RRP1B: variants seen among roughly 807,000 people sequenced by gnomAD.
RRP1B encodes the protein ribosomal RNA processing 1B.
Under a neutral mutation model 80.2 loss-of-function variants are expected in RRP1B, and 56 were observed. The observed-to-expected ratio is 0.70, with a 90% CI of 0.56 to 0.87. The LOEUF (loss-of-function observed/expected upper bound fraction) is 0.87, where lower values mean the gene tolerates loss of function less well. RRP1B is among the 40% of genes least tolerant of loss of function. The pLI is 0.00. For synonymous variants in RRP1B, 351 were observed against 357.6 expected (o/e 0.98, Z 0.21); for missense variants, 807 against 939.8 (o/e 0.86, Z 1.85).
At chr21:43,673,634 C>CAAAA (rs557525643) in intron 3 of RRP1B, among the ~76,000 whole-genome samples, 1 of 66,076 alleles carries the variant, frequency 1.5e-5, no homozygotes, top group African/African-American at 3.9e-5. Context: ...ACCCCGTCTC[C>CAAAA]AAAAAAAAAA....
At chr21:43,672,231 G>A in intron 2 of RRP1B, 77 bp from the exon 3 acceptor site, 1 of 1,303,914 alleles carries the variant, frequency 7.7e-7, no homozygotes, top group Non-Finnish European at 1.1e-6. Context: ...AGTGGGAGAA[G>A]GAAGCAGGCC....
chr21:43,668,809 C>A (rs902580983), intron 1 of RRP1B, among the ~76,000 whole-genome samples: 1 of 152,162 alleles, frequency 6.6e-6, no homozygotes, highest in African/African-American at 2.4e-5. Context: ...CTAATAAAGA[C>A]CATTTGTAAC....
chr21:43,666,225 G>C (rs2082977524), intron 1 of RRP1B, among the ~76,000 whole-genome samples: 1 of 152,252 alleles, frequency 6.6e-6, no homozygotes, highest in Non-Finnish European at 1.5e-5. Context: ...TCAGTCCTTA[G>C]GAGTTTCTAG....
At chr21:43,692,588 G>A (rs1376927182) in intron 15 of RRP1B, among the ~76,000 whole-genome samples, 1 of 151,042 alleles carries the variant, frequency 6.6e-6, no homozygotes, top group African/African-American at 2.4e-5. Flanking sequence ...GACAGGCTGG[G>A]TGAGACTCCA....
chr21:43,686,707 T>A, intron 11 of RRP1B, 97 bp from the exon 12 acceptor site: 1 of 1,404,270 alleles, frequency 7.1e-7, no homozygotes, highest in Non-Finnish European at 9.8e-7. Flanking sequence ...GGAACGATGA[T>A]GATGAGGCAG....
intron 5 of RRP1B, 37 bp from the exon 6 acceptor site, chr21:43,674,997 T>C (rs2083015848): frequency 1.2e-6 from 2 of 1,611,306 alleles, no homozygotes; most frequent in Non-Finnish European, 1.7e-6. Flanking sequence ...CGTGTTGGCA[T>C]ACTGTCATTC....
intron 2 of RRP1B, 21 bp downstream of exon 2, chr21:43,669,987 C>T (rs745436071): frequency 1.5e-5 from 24 of 1,568,670 alleles, no homozygotes; most frequent in Non-Finnish European, 2.0e-5. Flanking sequence ...TTCCCTTTGT[C>T]ATGCTCCCGG....
In RRP1B at chr21:43,659,855, A is replaced by C; in HGVS notation, c.130+61A>C. On this transcript the variant is annotated intron_variant, in intron 1 of 15. Coordinates refer to ENST00000340648, the MANE Select transcript of RRP1B (RefSeq NM_015056.3). The surrounding 1 kb of genome is among the most constrained non-coding windows in gnomAD (Gnocchi z 4.2). ...CGGGCCGGGGGCCGGGGCTGGGGCT[A>C]GGGCCAGGGCCCCGGCACGGAATGC... 1 of 1,403,234 alleles carries C rather than the reference A, an allele frequency of 7.1e-7. No homozygotes were observed. The highest frequency in any genetic ancestry group is 9.3e-7 in the Non-Finnish European group (1 of 1,072,312). 86.9% of individuals were successfully genotyped at this position (1,403,234 alleles called of 1,614,324 possible).
chr21:43,683,991 G>C (rs1199154260), intron 9 of RRP1B, among the ~76,000 whole-genome samples: 2 of 104,524 alleles, frequency 1.9e-5, no homozygotes, highest in African/African-American at 3.9e-5. Flanking sequence ...AAAAAAAAAA[G>C]CACACCCAGG....
rs143039693 is a variant in RRP1B, at chr21:43,666,666, C to T, written c.131-3218C>T. 7.5e-3 allele frequency among the ~76,000 whole-genome samples: 1,136 copies of T among 150,936 alleles called. 7 individuals carry two copies. The highest frequency in any genetic ancestry group is 9.4e-3 in the Non-Finnish European group (641 of 67,888). On this transcript the variant is annotated intron_variant, in intron 1 of 15. Transcript: ENST00000340648. ...CTGGGCAGCAGAGGTTGCAGTGAGC[C>T]GAGATTGCACCACTGCACTCCAGCC...
At chr21:43,676,603 ATGCT>A in intron 7 of RRP1B, 126 bp from the exon 8 acceptor site, 1 of 854,330 alleles carries the variant, frequency 1.2e-6, no homozygotes, top group Non-Finnish European at 1.8e-6. Flanking sequence ...TTCCTCTCAG[ATGCT>A]TGCTGGCCCG....
At position 43,695,059 on chromosome 21, in the gene RRP1B, C is replaced by G. The variant is rs1438331655; in HGVS notation, c.*1676C>G. 1 of 115,032 alleles carries G rather than the reference C, an allele frequency of 8.7e-6. No homozygotes were observed. The highest frequency in any genetic ancestry group is 1.7e-5 in the Non-Finnish European group (1 of 59,528). 7.1% of individuals were successfully genotyped at this position (115,032 alleles called of 1,614,324 possible). On this transcript the variant is annotated 3_prime_UTR_variant, in exon 16 of 16. Coordinates refer to ENST00000340648, the MANE Select transcript of RRP1B (RefSeq NM_015056.3). ...ATCGTCACTGTAATGAGAAGTCTTA[C>G]GTACAACATAGCTGTGGTGGCTTAA...
intron 1 of RRP1B, among the ~76,000 whole-genome samples, chr21:43,665,709 C>G (rs1266798430): frequency 6.6e-6 from 1 of 152,022 alleles, no homozygotes; most frequent in Non-Finnish European, 1.5e-5. Context: ...CCTGTGGGAT[C>G]TGACTGTTAA....
At chr21:43,670,485 A>C (rs1476942618) in intron 2 of RRP1B, among the ~76,000 whole-genome samples, 1 of 152,242 alleles carries the variant, frequency 6.6e-6, no homozygotes, top group Admixed American at 6.5e-5. Flanking sequence ...GAGCCCGCTA[A>C]GCCCACCACC....
Position 43,693,443 on chromosome 21 carries a change from C to G in RRP1B, c.*60C>G. 3.5e-6 allele frequency: 5 copies of G among 1,408,790 alleles called. No individual in the cohort carries two copies. Among genetic ancestry groups the G allele is most frequent in the East Asian group, 2.6e-5 (1 of 38,152 alleles). The allele number at this position is 1,408,790 out of a possible 1,614,324, so 87.3% of individuals were successfully genotyped here. A position where few individuals can be genotyped will look rare whatever the true frequency, so the allele number is the denominator to read the frequency against. On this transcript the variant is annotated 3_prime_UTR_variant, in exon 16 of 16. Coordinates refer to ENST00000340648, the MANE Select transcript of RRP1B (RefSeq NM_015056.3). This position sits in a 1 kb window ranked among gnomAD's most constrained non-coding sequence, Gnocchi z 4.1. Reference sequence around the variant, plus strand: ...GTACAGAATGCGCTATAAATTATACCTTTAAGAATGTGGGGCCTTTTTTAT... The same window carrying G: ...GTACAGAATGCGCTATAAATTATACGTTTAAGAATGTGGGGCCTTTTTTAT...
At chr21:43,668,400 G>C (rs577330286) in intron 1 of RRP1B, among the ~76,000 whole-genome samples, 1 of 142,914 alleles carries the variant, frequency 7.0e-6, no homozygotes, top group Admixed American at 7.2e-5. Context: ...TCGCTCTGTC[G>C]CCCAGGCTGG....
At chr21:43,679,413 C>T (rs768404588) in intron 8 of RRP1B, among the ~76,000 whole-genome samples, 12 of 152,026 alleles carry the variant, frequency 7.9e-5, no homozygotes, top group East Asian at 1.9e-4. Context: ...GAATTATAGG[C>T]GGGTGCCACC....
In RRP1B at chr21:43,679,240, T is replaced by TTC. The variant is rs1206431936; in HGVS notation, c.796+2327_796+2328insCT. Among the ~76,000 whole-genome samples, 619 of 150,422 alleles carry TTC rather than the reference T, an allele frequency of 4.1e-3. 7 individuals carry two copies. Among genetic ancestry groups the TTC allele is most frequent in the African/African-American group, 0.015 (587 of 40,026 alleles). ...TGTTTTTTTGTGTGTCTTTTTTTTT[T>TTC]TGGTGTTTTGGTGTTTTGGGTTTTT... On this transcript the variant is annotated intron_variant, in intron 8 of 15. Coordinates refer to ENST00000340648, the MANE Select transcript of RRP1B (RefSeq NM_015056.3).
At chr21:43,681,884 G>A (rs571227043) in intron 8 of RRP1B, among the ~76,000 whole-genome samples, 2 of 152,344 alleles carry the variant, frequency 1.3e-5, no homozygotes, top group South Asian at 4.1e-4. Context: ...CTGGGAGGGT[G>A]AGGCTGCCGT....
Sources: gnomAD v4.1 joint callset for allele counts (sites outside exome capture counted in the v4.1 genomes callset) on GRCh38, gnomAD v4.1.1 for gene constraint, Gnocchi (gnomAD v3.1) non-coding constraint, MANE v1.5 for transcripts, NCBI Gene and HGNC (gene_info 2026-07-23, HGNC 2026-07-21) for gene names.